The following ANKFY1 variants were observed in gnomAD, a reference collection of about 807,000 sequenced individuals.
ANKFY1 encodes the protein ankyrin repeat and FYVE domain-containing protein 1.
Under a neutral mutation model 128.3 loss-of-function variants are expected in ANKFY1, and 47 were observed. The observed-to-expected ratio is 0.37, with a 90% CI of 0.29 to 0.47. The LOEUF is 0.47. Among genes scored for constraint, ANKFY1 ranks in the 20% least tolerant of loss-of-function variants. The pLI is 1.00. For missense variants in ANKFY1, 1,222 were observed against 1,510.6 expected (o/e 0.81, Z 3.17); for synonymous variants, 553 against 601.6 (o/e 0.92, Z 1.18).
At chr17:4,197,739 T>C (rs1462043077) in intron 7 of ANKFY1, among the ~76,000 whole-genome samples, 162 bp from the exon 8 acceptor site, 1 of 152,220 alleles carries the variant, frequency 6.6e-6, no homozygotes, top group Non-Finnish European at 1.5e-5. Flanking sequence ...ATTGAGATCA[T>C]GGAGTTACAG....
chr17:4,260,661 A>ATTAAGC (rs970812982), intron 1 of ANKFY1, among the ~76,000 whole-genome samples: 8 of 150,330 alleles, frequency 5.3e-5, no homozygotes, highest in Non-Finnish European at 1.0e-4. Flanking sequence ...TGAAGCTTAG[A>ATTAAGC]TTAAGCAGGA....
chr17:4,217,187 C>A, intron 3 of ANKFY1, 69 bp from the exon 4 acceptor site: 1 of 1,560,974 alleles, frequency 6.4e-7, no homozygotes, highest in Non-Finnish European at 8.7e-7. Context: ...CAAGGGATCC[C>A]TAAAATTTGA....
At chr17:4,243,224 G>A (rs531040243) in intron 1 of ANKFY1, among the ~76,000 whole-genome samples, 2 of 152,024 alleles carry the variant, frequency 1.3e-5, no homozygotes, top group East Asian at 3.9e-4. Flanking sequence ...ATGCCACCAT[G>A]CCCAGCTCAT....
At position 4,203,835 on chromosome 17, in the gene ANKFY1, AAAAAAAAAAG is replaced by A. The variant is rs1200119136; in HGVS notation, c.898+2476_898+2485del. Reference sequence around the variant, plus strand: ...CGTCTCAACAACAACAACAAAAAAAAAAAAAAAAAGAAAGAAAGAAAGAAAAAAGAAACCC... The same window carrying A: ...CGTCTCAACAACAACAACAAAAAAAAAAAGAAAGAAAGAAAAAAGAAACCC... On this transcript the variant is annotated intron_variant, in intron 7 of 24. Coordinates refer to ENST00000341657, the MANE Select transcript of ANKFY1 (RefSeq NM_001330063.2). 2.0e-3 allele frequency among the ~76,000 whole-genome samples: 283 copies of A among 141,030 alleles called. 1 individual carries two copies. The highest frequency in any genetic ancestry group is 6.9e-3 in the African/African-American group (264 of 38,468). The allele number at this position is 141,030 out of a possible 152,430, so 92.5% of individuals were successfully genotyped here.
In ANKFY1 at chr17:4,185,066, C is replaced by T. The variant is rs373228650; in HGVS notation, c.1471-20G>A. On this transcript the variant is annotated intron_variant, in intron 11 of 24. Coordinates refer to ENST00000341657, the MANE Select transcript of ANKFY1 (RefSeq NM_001330063.2). ...TTCTCCCTGAATGGAAACAAATGGC[C>T]GAAATCTGAGCACTCACAGGAATTC... The T allele has an allele frequency of 7.5e-6, 12 of 1,601,584 alleles. No individual in the cohort carries two copies. Among genetic ancestry groups the T allele is most frequent in the Middle Eastern group, 1.8e-4 (1 of 5,580 alleles).
intron 5 of ANKFY1, among the ~76,000 whole-genome samples, chr17:4,209,059 CAA>C (rs60135844): frequency 5.0e-4 from 74 of 147,158 alleles, no homozygotes; most frequent in Non-Finnish European, 6.2e-4. Flanking sequence ...AACTCAGTCT[CAA>C]AAAAAAAAAA....
chr17:4,187,204 AG>A (rs950528401), intron 11 of ANKFY1: 37 of 415,622 alleles, frequency 8.9e-5, no homozygotes, highest in African/African-American at 6.9e-4. Flanking sequence ...CTTGCACCAC[AG>A]GGGTTTTAAC....
intron 1 of ANKFY1, among the ~76,000 whole-genome samples, chr17:4,253,259 C>T (rs868760064): frequency 6.6e-6 from 1 of 152,162 alleles, no homozygotes; most frequent in African/African-American, 2.4e-5. Context: ...ACTAGGCAAA[C>T]TATAGCAAGA....
At chr17:4,238,841 C>A (rs1967056103) in intron 2 of ANKFY1, among the ~76,000 whole-genome samples, 1 of 151,976 alleles carries the variant, frequency 6.6e-6, no homozygotes, top group South Asian at 2.1e-4. Flanking sequence ...CTCACTGCAA[C>A]CTCCACCTTC....
In ANKFY1 at chr17:4,197,291, C is replaced by T. The variant is rs2059843255; in HGVS notation, c.1103+82G>A. The T allele has an allele frequency of 2.1e-6, 3 of 1,421,684 alleles. No individual in the cohort carries two copies. In the Admixed American group the frequency reaches 5.1e-5, roughly 24 times the overall value. The allele number at this position is 1,421,684 out of a possible 1,614,324, so 88.1% of individuals were successfully genotyped here. A position where few individuals can be genotyped will look rare whatever the true frequency, so the allele number is the denominator to read the frequency against. ...ATAATGCCAAACTAAAGAACATGAA[C>T]TCCCCGTATGCCAATTACATGCTAC... On this transcript the variant is annotated intron_variant, in intron 8 of 24. Coordinates refer to ENST00000341657, the MANE Select transcript of ANKFY1 (RefSeq NM_001330063.2).
chr17:4,239,433 GAATA>G (rs1187015219), intron 2 of ANKFY1, among the ~76,000 whole-genome samples: 2 of 152,184 alleles, frequency 1.3e-5, no homozygotes, highest in Non-Finnish European at 2.9e-5. Flanking sequence ...CCTTTACTCA[GAATA>G]TATACTTCCT....
chr17:4,228,041 C>A (rs1256456155), intron 3 of ANKFY1, among the ~76,000 whole-genome samples: 1 of 152,062 alleles, frequency 6.6e-6, no homozygotes, highest in Non-Finnish European at 1.5e-5. Context: ...CCTTACACAA[C>A]TGAATACAGG....
At chr17:4,210,708 C>CAAAAAAAAAAAAAAAAA (rs371731375) in intron 4 of ANKFY1, among the ~76,000 whole-genome samples, 1 of 42,454 alleles carries the variant, frequency 2.4e-5, no homozygotes, top group African/African-American at 1.2e-4. Flanking sequence ...AACTCTGTCG[C>CAAAAAAAAAAAAAAAAA]AAAAAAAAAA....
At chr17:4,207,360 A>G (rs773139507) in intron 6 of ANKFY1, among the ~76,000 whole-genome samples, 1 of 152,204 alleles carries the variant, frequency 6.6e-6, no homozygotes, top group Non-Finnish European at 1.5e-5. Context: ...GAGCTAAGGA[A>G]TGTGTGGAGG....
At chr17:4,186,233 T>C (rs1370361694) in intron 11 of ANKFY1, 2 of 152,432 alleles carry the variant, frequency 1.3e-5, no homozygotes, top group Admixed American at 1.3e-4. Context: ...CCACTCTGCC[T>C]GCAGTACGGC....
Position 4,224,214 on chromosome 17 carries a change from G to GTT in ANKFY1, c.323-7098_323-7097dup, listed in dbSNP as rs33995900. Among the ~76,000 whole-genome samples the GTT allele has an allele frequency of 1.6e-3, 109 of 66,746 alleles. 14 individuals carry two copies. Among genetic ancestry groups the GTT allele is most frequent in the African/African-American group, 5.9e-3 (98 of 16,476 alleles). The allele number at this position is 66,746 out of a possible 152,430, so 43.8% of individuals were successfully genotyped here. ...GTGATGTAAGTGACTCACCTTTGAA[G>GTT]TTTTTTTTTTTTTTTTTTTTTTTTT... is the stretch of plus-strand genomic sequence containing the variant. On this transcript the variant is annotated intron_variant, in intron 3 of 24. Transcript: ENST00000341657.
chr17:4,222,334 G>C, intron 3 of ANKFY1: 1 of 746,038 alleles, frequency 1.3e-6, no homozygotes. Context: ...ACTTTATTAT[G>C]TGACAAATGA....
In ANKFY1 at chr17:4,169,336, A is replaced by G; in HGVS notation, c.3287-48T>C. ...GGTCCCGTCAAACCGCGACGGCGCC[A>G]CGCAAGCCCCAGGGCTTGGAGGCAG... is the stretch of plus-strand genomic sequence containing the variant. On this transcript the variant is annotated intron_variant, in intron 23 of 24. Coordinates refer to ENST00000341657, the MANE Select transcript of ANKFY1 (RefSeq NM_001330063.2). The surrounding 1 kb of genome is among the most constrained non-coding windows in gnomAD (Gnocchi z 5.0). The G allele has an allele frequency of 7.0e-7, 1 of 1,438,172 alleles. No homozygotes were observed. Among genetic ancestry groups the G allele is most frequent in the Non-Finnish European group, 9.5e-7 (1 of 1,048,214 alleles). The allele number at this position is 1,438,172 out of a possible 1,614,324, so 89.1% of individuals were successfully genotyped here.
chr17:4,263,956 T>C lies in ANKFY1; in HGVS notation c.-15A>G. On this transcript the variant is annotated 5_prime_UTR_variant, in exon 1 of 25. Transcript: ENST00000341657. ...CCTTCCGCCATGTCTGGCCCGGCAC[T>C]GCCTGCAACCTCGCGAGAAGTGCGC... is the stretch of plus-strand genomic sequence containing the variant. 3.1e-6 allele frequency: 5 copies of C among 1,614,008 alleles called. No individual in the cohort carries two copies. The highest frequency in any genetic ancestry group is 4.2e-6 in the Non-Finnish European group (5 of 1,179,958).
Sources: gnomAD v4.1 joint callset for allele counts (sites outside exome capture counted in the v4.1 genomes callset) on GRCh38, gnomAD v4.1.1 for gene constraint, Gnocchi (gnomAD v3.1) non-coding constraint, MANE v1.5 for transcripts, NCBI Gene and HGNC (gene_info 2026-07-23, HGNC 2026-07-21) for gene names.